Variants in ROR1 observed in about 807,000 individuals in gnomAD.
ROR1 encodes ROR family WNT receptor 1.
In ROR1, 19 loss-of-function variants were observed where a neutral mutation model predicts 78.8. That is an observed-to-expected ratio of 0.24 (90% CI 0.17 to 0.35). The LOEUF (loss-of-function observed/expected upper bound fraction) is 0.35. ROR1 is among the 10% of genes least tolerant of loss of function. The pLI is 1.00. For synonymous variants in ROR1, 386 were observed against 433.6 expected (o/e 0.89, Z 1.36); for missense variants, 917 against 1,177.8 (o/e 0.78, Z 3.24).
At chr1:63,825,951 A>G (rs769765900) in intron 1 of ROR1, among the ~76,000 whole-genome samples, 1 of 152,156 alleles carries the variant, frequency 6.6e-6, no homozygotes, top group African/African-American at 2.4e-5. Flanking sequence ...TCCCTCATCT[A>G]TAAGATCTAG....
At chr1:63,828,460 G>C (rs1468536043) in intron 1 of ROR1, among the ~76,000 whole-genome samples, 1 of 152,116 alleles carries the variant, frequency 6.6e-6, no homozygotes. Context: ...TTTATATATA[G>C]AGGATGACTT....
At chr1:63,925,183 TC>T (rs1465796417) in intron 1 of ROR1, among the ~76,000 whole-genome samples, 2 of 135,390 alleles carry the variant, frequency 1.5e-5, no homozygotes, top group Non-Finnish European at 3.1e-5. Flanking sequence ...CCCACAACAG[TC>T]CCCAGAGTGT....
intron 1 of ROR1, among the ~76,000 whole-genome samples, chr1:63,961,027 A>G (rs1165871606): frequency 6.6e-6 from 1 of 152,320 alleles, no homozygotes; most frequent in Non-Finnish European, 1.5e-5. Context: ...GGGCTGAACT[A>G]GCATTTTCTT....
At chr1:64,004,024 C>T (rs528045799) in intron 1 of ROR1, among the ~76,000 whole-genome samples, 13 of 152,332 alleles carry the variant, frequency 8.5e-5, no homozygotes, top group African/African-American at 2.9e-4. Flanking sequence ...TTGAGTGTCT[C>T]TCAAAGCTCG....
intron 1 of ROR1, chr1:63,789,394 TG>T: frequency 2.8e-6 from 1 of 361,074 alleles, no homozygotes; most frequent in East Asian, 5.9e-5. Context: ...AGCCAGTGAA[TG>T]GGGACACCTG....
chr1:64,080,358 A>G (rs1318478614), intron 4 of ROR1, among the ~76,000 whole-genome samples: 1 of 152,188 alleles, frequency 6.6e-6, no homozygotes, highest in African/African-American at 2.4e-5. Flanking sequence ...CGCTCTCAAC[A>G]AAGAATCAGC....
Position 64,179,127 on chromosome 1 carries a change from G to T in ROR1, c.*272G>T. Reference sequence around the variant, plus strand: ...TTGGGATTGGAACATGTGGTTTCGAGCACTGAAAGCTGCAAACCAGTGAAG... The same window carrying T: ...TTGGGATTGGAACATGTGGTTTCGATCACTGAAAGCTGCAAACCAGTGAAG... On this transcript the variant is annotated 3_prime_UTR_variant, in exon 9 of 9. Transcript: ENST00000371079. The T allele has an allele frequency of 3.1e-6, 1 of 321,834 alleles. No homozygotes were observed. The highest frequency in any genetic ancestry group is 5.7e-6 in the Non-Finnish European group (1 of 176,684). The allele number at this position is 321,834 out of a possible 1,614,324, so 19.9% of individuals were successfully genotyped here.
chr1:64,079,191 A>G (rs192169926), intron 4 of ROR1, among the ~76,000 whole-genome samples: 5 of 152,324 alleles, frequency 3.3e-5, no homozygotes, highest in Admixed American at 2.6e-4. Context: ...CCAAACATTA[A>G]ACATTAAAAC....
intron 8 of ROR1, among the ~76,000 whole-genome samples, chr1:64,172,641 C>T (rs1650272163): frequency 6.6e-6 from 1 of 152,156 alleles, no homozygotes; most frequent in Admixed American, 6.5e-5. Flanking sequence ...CACCATGCCT[C>T]ATGTGTATTT....
At chr1:63,994,576 G>C (rs1646322576) in intron 1 of ROR1, among the ~76,000 whole-genome samples, 1 of 152,148 alleles carries the variant, frequency 6.6e-6, no homozygotes, top group Non-Finnish European at 1.5e-5. Context: ...AGGCTTGTGG[G>C]GAAAGGCCTG....
rs375567594 is a variant in ROR1, at chr1:63,803,048, C to T, written c.91+28540C>T. Among the ~76,000 whole-genome samples the T allele has an allele frequency of 6.5e-4, 99 of 152,262 alleles. No homozygotes were observed. The South Asian group carries it at 0.02, about 31-fold the overall frequency. On this transcript the variant is annotated intron_variant, in intron 1 of 8. Transcript: ENST00000371079. ...TCTTTCAAATCAGGTGTGTAAATTG[C>T]TTTACAGCACAGCTTATCTCAGACT... is the stretch of plus-strand genomic sequence containing the variant.
intron 1 of ROR1, among the ~76,000 whole-genome samples, chr1:63,990,546 A>G (rs533712729): frequency 2.0e-5 from 3 of 152,330 alleles, no homozygotes; most frequent in South Asian, 2.1e-4. Context: ...GAGCTCGTTG[A>G]CATCCAAGAA....
intron 1 of ROR1, among the ~76,000 whole-genome samples, chr1:63,876,681 T>TGC (rs202209719): frequency 1.2e-3 from 104 of 83,604 alleles, no homozygotes; most frequent in Admixed American, 1.7e-3. Context: ...TGTGTGTGTG[T>TGC]GCGCGTGTGT....
At chr1:64,010,198 G>A (rs1225352820) in intron 2 of ROR1, among the ~76,000 whole-genome samples, 3 of 152,160 alleles carry the variant, frequency 2.0e-5, no homozygotes, top group Non-Finnish European at 4.4e-5. Flanking sequence ...ACATTATCCA[G>A]TCTTGTCTAA....
Position 64,140,463 on chromosome 1 carries a change from G to A in ROR1, c.928+37G>A, listed in dbSNP as rs1431758872. The A allele has an allele frequency of 5.0e-6, 8 of 1,588,864 alleles. No homozygotes were observed. In the Middle Eastern group the frequency reaches 8.4e-4, roughly 166 times the overall value. On this transcript the variant is annotated intron_variant, in intron 6 of 8. Coordinates refer to ENST00000371079, the MANE Select transcript of ROR1 (RefSeq NM_005012.4). The stretch of plus-strand genomic sequence containing the variant: ...CCCCTGACCTTCTGTGCTCTTCTAA[G>A]GGTCAGCAACCTGTTGGCACAGGGA...
intron 2 of ROR1, among the ~76,000 whole-genome samples, chr1:64,023,083 G>A (rs1646578375): frequency 6.6e-6 from 1 of 152,184 alleles, no homozygotes; most frequent in East Asian, 1.9e-4. Flanking sequence ...TTCTGCTAAG[G>A]ATTCCCAATA....
chr1:64,039,958 C>CT (rs1232811807), intron 2 of ROR1, among the ~76,000 whole-genome samples: 3 of 152,040 alleles, frequency 2.0e-5, no homozygotes, highest in African/African-American at 7.2e-5. Flanking sequence ...AGAAACTTTG[C>CT]TTTTTTGTTG....
At chr1:64,080,553 C>T (rs115731521) in intron 4 of ROR1, among the ~76,000 whole-genome samples, 1,778 of 152,338 alleles carry the variant, frequency 0.012, 24 homozygotes, top group Non-Finnish European at 0.018. Context: ...CCATCCCGTT[C>T]TTCATGCTGT....
intron 1 of ROR1, among the ~76,000 whole-genome samples, chr1:63,920,205 T>A (rs932501518): frequency 2.0e-5 from 3 of 152,146 alleles, no homozygotes; most frequent in East Asian, 3.9e-4. Context: ...GAATATTTGG[T>A]GTAACTTGGA....
Sources: allele counts gnomAD v4.1 joint callset (sites outside exome capture counted in the v4.1 genomes callset), GRCh38; gene constraint gnomAD v4.1.1; transcripts MANE v1.5; gene names NCBI Gene and HGNC (gene_info 2026-07-23, HGNC 2026-07-21).